PSMB2: variants seen among roughly 807,000 people sequenced by gnomAD.
PSMB2 encodes the protein proteasome subunit beta type-2.
PSMB2 carries 13 observed loss-of-function variants against 25.7 expected under a neutral mutation model. That is an observed-to-expected ratio of 0.51 (90% CI 0.33 to 0.80). PSMB2 has a LOEUF of 0.80. Among genes scored for constraint, PSMB2 ranks in the 30% least tolerant of loss-of-function variants. PSMB2 has a pLI of 0.02. For missense variants in PSMB2, 202 were observed against 259.0 expected (o/e 0.78, Z 1.51); for synonymous variants, 87 against 96.2 (o/e 0.90, Z 0.56).
intron 2 of PSMB2, among the ~76,000 whole-genome samples, chr1:35,635,259 CAAAA>C (rs1285421213): frequency 7.3e-6 from 1 of 136,388 alleles, no homozygotes; most frequent in Non-Finnish European, 1.6e-5. Flanking sequence ...AACTCCATCT[CAAAA>C]AAAAAAAAAA....
In PSMB2 at chr1:35,641,498, C is replaced by A; in HGVS notation, c.-66G>T. On this transcript the variant is annotated 5_prime_UTR_variant, in exon 1 of 6. Transcript: ENST00000373237. ...AGACTCGCCCGCTTCCAGGTCTCACCGGTGAGACAGCACCTCAGAGCGAAG... is the reference window on the plus strand; with the variant it reads ...AGACTCGCCCGCTTCCAGGTCTCACAGGTGAGACAGCACCTCAGAGCGAAG... 1 of 1,606,768 alleles carries A rather than the reference C, an allele frequency of 6.2e-7. No individual in the cohort carries two copies. The highest frequency in any genetic ancestry group is 8.5e-7 in the Non-Finnish European group (1 of 1,176,104).
At chr1:35,623,724 C>G (rs1398293335) in intron 3 of PSMB2, among the ~76,000 whole-genome samples, 1 of 152,188 alleles carries the variant, frequency 6.6e-6, no homozygotes, top group Non-Finnish European at 1.5e-5. Context: ...AAGATGAGGC[C>G]TCAAGGGAGA....
At position 35,603,525 on chromosome 1, in the gene PSMB2, A is replaced by T. The variant is rs539342517; in HGVS notation, c.499-151T>A. On this transcript the variant is annotated intron_variant, in intron 5 of 5. Coordinates refer to ENST00000373237, the MANE Select transcript of PSMB2 (RefSeq NM_002794.5). ...TGGAGGCAGTTGGCAGTAGGGCACTAGTACTCTAGTGGTAGAGGGTACCCA... is the reference window on the plus strand; with the variant it reads ...TGGAGGCAGTTGGCAGTAGGGCACTTGTACTCTAGTGGTAGAGGGTACCCA... The T allele has an allele frequency of 6.5e-6, 6 of 925,848 alleles. No individual in the cohort carries two copies. In the East Asian group the frequency reaches 1.6e-4, roughly 25 times the overall value. The allele number at this position is 925,848 out of a possible 1,614,324, so 57.4% of individuals were successfully genotyped here. A position where few individuals can be genotyped will look rare whatever the true frequency, so the allele number is the denominator to read the frequency against.
intron 2 of PSMB2, among the ~76,000 whole-genome samples, chr1:35,633,395 C>A (rs1465939439): frequency 6.6e-6 from 1 of 152,108 alleles, no homozygotes; most frequent in Admixed American, 6.5e-5. Flanking sequence ...TAGCTCAGTT[C>A]TTTAACTTAT....
At chr1:35,617,932 T>C (rs965711412) in intron 3 of PSMB2, among the ~76,000 whole-genome samples, 1 of 152,226 alleles carries the variant, frequency 6.6e-6, no homozygotes, top group South Asian at 2.1e-4. Flanking sequence ...CATTGGTTAA[T>C]TGGTGCCAAG....
At chr1:35,630,969 T>C (rs1278656561) in intron 3 of PSMB2, among the ~76,000 whole-genome samples, 1 of 152,214 alleles carries the variant, frequency 6.6e-6, no homozygotes, top group East Asian at 1.9e-4. Context: ...CTTCTCAATT[T>C]TGCTGTGAAC....
intron 3 of PSMB2, among the ~76,000 whole-genome samples, chr1:35,618,332 A>C (rs1004814622): frequency 1.5e-4 from 23 of 152,208 alleles, no homozygotes; most frequent in African/African-American, 5.5e-4. Context: ...ACAGTTGTCC[A>C]AAGACAGATG....
At chr1:35,616,300 CAT>C (rs1448434119) in intron 3 of PSMB2, among the ~76,000 whole-genome samples, 2 of 152,224 alleles carry the variant, frequency 1.3e-5, no homozygotes, top group Non-Finnish European at 2.9e-5. Flanking sequence ...GTTTCACACT[CAT>C]ATATTTCAGA....
intron 5 of PSMB2, among the ~76,000 whole-genome samples, chr1:35,603,970 T>C (rs555379032): frequency 5.0e-4 from 73 of 146,380 alleles, no homozygotes; most frequent in African/African-American, 1.8e-3. Flanking sequence ...TGCAGTGAGC[T>C]ATGATGGTGC....
Position 35,600,846 on chromosome 1 carries a change from G to C in PSMB2, c.*2421C>G. The stretch of plus-strand genomic sequence containing the variant: ...GTGAGGCCTGAATGCAGAATAACAA[G>C]TTTACCAATCATTATACACTTACTG... On this transcript the variant is annotated 3_prime_UTR_variant, in exon 6 of 6. Coordinates refer to ENST00000373237, the MANE Select transcript of PSMB2 (RefSeq NM_002794.5). The C allele has an allele frequency of 2.3e-5, 23 of 985,374 alleles. No homozygotes were observed. The highest frequency in any genetic ancestry group is 2.8e-5 in the Non-Finnish European group (23 of 829,912). 61.0% of individuals were successfully genotyped at this position (985,374 alleles called of 1,614,324 possible).
At chr1:35,621,553 A>G (rs866646093) in intron 3 of PSMB2, among the ~76,000 whole-genome samples, 42 of 152,202 alleles carry the variant, frequency 2.8e-4, no homozygotes, top group African/African-American at 9.4e-4. Context: ...CTTCTTTCCA[A>G]TCAGTTAATC....
intron 3 of PSMB2, among the ~76,000 whole-genome samples, chr1:35,621,796 C>T (rs1342448890): frequency 6.6e-6 from 1 of 151,842 alleles, no homozygotes; most frequent in Non-Finnish European, 1.5e-5. Context: ...ATCACAAGGT[C>T]GGGAGCCTGG....
intron 4 of PSMB2, among the ~76,000 whole-genome samples, chr1:35,606,113 T>G (rs1270183725): frequency 6.6e-6 from 1 of 152,192 alleles, no homozygotes; most frequent in Non-Finnish European, 1.5e-5. Context: ...AAGTACCCAC[T>G]GCCCACAGAG....
chr1:35,631,060 A>G (rs1167782550), intron 3 of PSMB2, among the ~76,000 whole-genome samples: 1 of 152,232 alleles, frequency 6.6e-6, no homozygotes, highest in Non-Finnish European at 1.5e-5. Flanking sequence ...GTGTGTCCCA[A>G]CCAATTCTCT....
At position 35,609,404 on chromosome 1, in the gene PSMB2, G is replaced by A. The variant is rs1650267549; in HGVS notation, c.290C>T (p.Pro97Leu). 1.3e-6 allele frequency: 2 copies of A among 1,538,244 alleles called. No individual in the cohort carries two copies. Among genetic ancestry groups the A allele is most frequent in the African/African-American group, 2.8e-5 (2 of 71,794 alleles). Residue 97 changes from proline (P) to leucine (L), a missense_variant, in exon 4 of 6, where the codon CCA (proline) becomes CTA (leucine). Physicochemically the swap from Pro to Leu is moderately conservative, Grantham distance 98. Coordinates refer to ENST00000373237, the MANE Select transcript of PSMB2 (RefSeq NM_002794.5). ...NLADCLRSRT[P>L]YHVNLLLAGY... ...AGCCAGGAGGAGGTTCACATGATAT[G>A]GGGTCTGCAAAGAAAAGATATGGCA...
intron 4 of PSMB2, 131 bp from the exon 5 acceptor site, chr1:35,605,413 C>T: frequency 1.1e-6 from 1 of 901,486 alleles, no homozygotes; most frequent in Non-Finnish European, 1.8e-6. Flanking sequence ...GCAAAAAATG[C>T]TTTGCCTTCT....
In PSMB2 at chr1:35,641,518, G is replaced by A. The variant is rs1651396592; in HGVS notation, c.-86C>T. ...CTCACCGGTGAGACAGCACCTCAGAGCGAAGATTGGCGCGACGCCTGCAGC... is the reference window on the plus strand; with the variant it reads ...CTCACCGGTGAGACAGCACCTCAGAACGAAGATTGGCGCGACGCCTGCAGC... On this transcript the variant is annotated 5_prime_UTR_variant, in exon 1 of 6. Coordinates refer to ENST00000373237, the MANE Select transcript of PSMB2 (RefSeq NM_002794.5). 1.9e-6 allele frequency: 3 copies of A among 1,577,168 alleles called. No individual in the cohort carries two copies. The Admixed American group carries it at 5.5e-5, about 29-fold the overall frequency.
chr1:35,632,188 T>C (rs1267832096), intron 2 of PSMB2, among the ~76,000 whole-genome samples: 7 of 152,260 alleles, frequency 4.6e-5, no homozygotes, highest in African/African-American at 1.7e-4. Context: ...TCCATCATTC[T>C]GCAGTATTTT....
chr1:35,607,843 A>G (rs1650212278), intron 4 of PSMB2, among the ~76,000 whole-genome samples: 1 of 152,238 alleles, frequency 6.6e-6, no homozygotes, highest in East Asian at 1.9e-4. Flanking sequence ...TGGTATATAT[A>G]CACCATGAAA....
Sources: allele counts gnomAD v4.1 joint callset (sites outside exome capture counted in the v4.1 genomes callset), GRCh38; gene constraint gnomAD v4.1.1; transcripts MANE v1.5; gene names NCBI Gene and HGNC (gene_info 2026-07-23, HGNC 2026-07-21).